IGLON5: variants seen among roughly 807,000 people sequenced by gnomAD.
The protein encoded by IGLON5 is Ig-like domain-containing protein ENSP00000270642.
Under a neutral mutation model 38.2 loss-of-function variants are expected in IGLON5, and 16 were observed. The ratio of observed to expected loss-of-function variants is 0.42; its 90% confidence interval spans 0.28 to 0.64. The LOEUF (loss-of-function observed/expected upper bound fraction) is 0.64. IGLON5 is among the 30% of genes least tolerant of loss of function. IGLON5 has a pLI of 0.23. For synonymous variants in IGLON5, 207 were observed against 216.4 expected (o/e 0.96, Z 0.38); for missense variants, 366 against 483.4 (o/e 0.76, Z 2.28).
At chr19:51,313,753 T>C (rs1984842466) in intron 1 of IGLON5, among the ~76,000 whole-genome samples, 2 of 151,490 alleles carry the variant, frequency 1.3e-5, no homozygotes, top group South Asian at 4.2e-4. Context: ...GGTCTGACTT[T>C]CTCACCTAGG....
chr19:51,313,639 C>CT (rs775668430), intron 1 of IGLON5, among the ~76,000 whole-genome samples: 2,676 of 121,832 alleles, frequency 0.022, 234 homozygotes, highest in African/African-American at 0.1. Context: ...TTTTCTCTCT[C>CT]TCTCTCTTTT....
At chr19:51,326,718 A>T in intron 4 of IGLON5, 46 bp from the exon 5 acceptor site, 4 of 1,455,938 alleles carry the variant, frequency 2.7e-6, no homozygotes, top group Non-Finnish European at 3.7e-6. Flanking sequence ...TCCCGTGTTA[A>T]GTGTTTGTGT....
chr19:51,316,260 G>A (rs1984920713), intron 1 of IGLON5, among the ~76,000 whole-genome samples: 1 of 148,694 alleles, frequency 6.7e-6, no homozygotes, highest in Admixed American at 6.7e-5. Context: ...CAGGAGAATC[G>A]CTTGAGCCTG....
chr19:51,318,090 T>G (rs1984965814), intron 1 of IGLON5, among the ~76,000 whole-genome samples: 1 of 152,148 alleles, frequency 6.6e-6, no homozygotes, highest in African/African-American at 2.4e-5. Context: ...AGTCAAACAG[T>G]GCCCAGAAGA....
In IGLON5 at chr19:51,330,522, A is replaced by G. The variant is rs1006839403; in HGVS notation, c.*1763A>G. Among the ~76,000 whole-genome samples, 2 of 152,190 alleles carry G rather than the reference A, an allele frequency of 1.3e-5. No individual in the cohort carries two copies. The highest frequency in any genetic ancestry group is 2.9e-5 in the Non-Finnish European group (2 of 68,028). ...GCCCTGTGATTGGCCGAAGACACCC[A>G]GCATAGCCCATTTCCCACCGTGATT... is the stretch of plus-strand genomic sequence containing the variant. On this transcript the variant is annotated 3_prime_UTR_variant, in exon 8 of 8. Transcript: ENST00000270642.
chr19:51,314,187 ATTT>A (rs34052497), intron 1 of IGLON5, among the ~76,000 whole-genome samples: 1 of 131,060 alleles, frequency 7.6e-6, no homozygotes. Flanking sequence ...CACATTCACT[ATTT>A]TTTTTTTTTT....
chr19:51,313,647 T>TTTTCTTTTTC (rs1555750479), intron 1 of IGLON5, among the ~76,000 whole-genome samples: 1 of 116,160 alleles, frequency 8.6e-6, no homozygotes. Context: ...CTCTCTCTCT[T>TTTTCTTTTTC]TTTCTTTCTT....
chr19:51,321,981 G>A lies in IGLON5; in HGVS notation c.80-83G>A, dbSNP rs369491717. 35 of 1,106,216 alleles carry A rather than the reference G, an allele frequency of 3.2e-5. 1 individual carries two copies. The highest frequency in any genetic ancestry group is 2.2e-4 in the South Asian group (18 of 80,454). The allele number at this position is 1,106,216 out of a possible 1,614,324, so 68.5% of individuals were successfully genotyped here. A position where few individuals can be genotyped will look rare whatever the true frequency, so the allele number is the denominator to read the frequency against. ...AGGAGACGTCTGTGTCCACAAGGAC[G>A]TGCGTGTGCACATGTGTGCAGGTGC... On this transcript the variant is annotated intron_variant, in intron 1 of 7. Coordinates refer to ENST00000270642, the MANE Select transcript of IGLON5 (RefSeq NM_001101372.3).
chr19:51,323,608 G>A, intron 2 of IGLON5, 54 bp from the exon 3 acceptor site: 1 of 1,484,548 alleles, frequency 6.7e-7, no homozygotes, highest in Non-Finnish European at 9.2e-7. Flanking sequence ...CTCGGTGGGG[G>A]AAGCCTCAGG....
chr19:51,313,695 C>CTTTCTTTCTTTCT (rs57541204), intron 1 of IGLON5, among the ~76,000 whole-genome samples: 1,034 of 51,242 alleles, frequency 0.02, 18 homozygotes, highest in Middle Eastern at 0.05. Flanking sequence ...TTCTTTCTTT[C>CTTTCTTTCTTTCT]TTCTTTCTTC....
Position 51,327,872 on chromosome 19 carries a change from C to G in IGLON5, c.908C>G (p.Ser303Cys), listed in dbSNP as rs1013188770. 2 of 1,525,448 alleles carry G rather than the reference C, an allele frequency of 1.3e-6. No individual in the cohort carries two copies. 94.5% of individuals were successfully genotyped at this position (1,525,448 alleles called of 1,614,324 possible). Residue 303 changes from serine to cysteine, a missense_variant, in exon 7 of 8, where the codon TCC becomes TGC. Transcript: ENST00000270642. The surrounding 1 kb of genome is among the most constrained non-coding windows in gnomAD (Gnocchi z 7.1). ...AACCGACTGGGAGCGTCCAGCGCCT[C>G]CATGCGGCTCCTGCGTGCGTCTTCG... ...AANRLGASSA[S>C]MRLLRPGSLE...
rs1985261012 is a variant in IGLON5, at chr19:51,327,993, G to A, written c.922+107G>A. 2 of 1,161,308 alleles carry A rather than the reference G, an allele frequency of 1.7e-6. No individual in the cohort carries two copies. The highest frequency in any genetic ancestry group is 2.3e-6 in the Non-Finnish European group (2 of 857,280). The allele number at this position is 1,161,308 out of a possible 1,614,324, so 71.9% of individuals were successfully genotyped here. A position where few individuals can be genotyped will look rare whatever the true frequency, so the allele number is the denominator to read the frequency against. On this transcript the variant is annotated intron_variant, in intron 7 of 7. Coordinates refer to ENST00000270642, the MANE Select transcript of IGLON5 (RefSeq NM_001101372.3). The surrounding 1 kb of genome is among the most constrained non-coding windows in gnomAD (Gnocchi z 7.1). Reference sequence around the variant, plus strand: ...CTTCAGGCTGGCCCTGAACTTAGGAGATGGACGCTGAGACTGAAAAGCAAT... The same window carrying A: ...CTTCAGGCTGGCCCTGAACTTAGGAAATGGACGCTGAGACTGAAAAGCAAT...
chr19:51,320,954 C>T (rs1055710727), intron 1 of IGLON5, among the ~76,000 whole-genome samples: 1 of 152,044 alleles, frequency 6.6e-6, no homozygotes, highest in Non-Finnish European at 1.5e-5. Context: ...ATGCGCTCAT[C>T]TTTGCATAGG....
intron 2 of IGLON5, 68 bp from the exon 3 acceptor site, chr19:51,323,594 C>T (rs1228517046): frequency 1.4e-6 from 2 of 1,381,778 alleles, no homozygotes; most frequent in African/African-American, 2.9e-5. Flanking sequence ...CTCCCACCCA[C>T]CCCCTCGGTG....
intron 2 of IGLON5, among the ~76,000 whole-genome samples, chr19:51,322,483 G>T (rs1477944500): frequency 2.0e-5 from 3 of 149,608 alleles, no homozygotes. Context: ...GAGAGAAGGG[G>T]ACAGAGATCC....
chr19:51,314,718 G>A (rs991980113), intron 1 of IGLON5, among the ~76,000 whole-genome samples: 1 of 152,196 alleles, frequency 6.6e-6, no homozygotes, highest in African/African-American at 2.4e-5. Context: ...GGGAAAAAAA[G>A]CTTATGGCAA....
In IGLON5 at chr19:51,329,679, A is replaced by T. The variant is rs1331637400; in HGVS notation, c.*920A>T. 2 of 152,490 alleles carry T rather than the reference A, an allele frequency of 1.3e-5. No homozygotes were observed. The highest frequency in any genetic ancestry group is 3.8e-4 in the East Asian group (2 of 5,198). 9.4% of individuals were successfully genotyped at this position (152,490 alleles called of 1,614,324 possible). A position where few individuals can be genotyped will look rare whatever the true frequency, so the allele number is the denominator to read the frequency against. ...GATTTCCCCACCTGCGGCACCAGCC[A>T]GCTGCCCTTGGGGCCTTTGCAGCTG... On this transcript the variant is annotated 3_prime_UTR_variant, in exon 8 of 8. Coordinates refer to ENST00000270642, the MANE Select transcript of IGLON5 (RefSeq NM_001101372.3). This position sits in a 1 kb window ranked among gnomAD's most constrained non-coding sequence, Gnocchi z 4.3.
chr19:51,320,353 TATTA>T (rs1985022862), intron 1 of IGLON5, among the ~76,000 whole-genome samples: 1 of 152,190 alleles, frequency 6.6e-6, no homozygotes, highest in South Asian at 2.1e-4. Flanking sequence ...TAATTCATTA[TATTA>T]ATTAGCTCTT....
At chr19:51,313,688 TTTCTTTC>T (rs71333935) in intron 1 of IGLON5, among the ~76,000 whole-genome samples, 14,337 of 81,792 alleles carry the variant, frequency 0.18, 1,015 homozygotes, top group South Asian at 0.28. Context: ...TCTTTCTTTC[TTTCTTTC>T]TTCTTTCTTC....
Sources: gnomAD v4.1 joint callset for allele counts (sites outside exome capture counted in the v4.1 genomes callset) on GRCh38, gnomAD v4.1.1 for gene constraint, Gnocchi (gnomAD v3.1) non-coding constraint, MANE v1.5 for transcripts, NCBI Gene and HGNC (gene_info 2026-07-23, HGNC 2026-07-21) for gene names.